CYP7A1: variants seen among roughly 807,000 people sequenced by gnomAD.
The protein encoded by CYP7A1 is cytochrome P450 family 7 subfamily A member 1.
CYP7A1 carries 28 observed loss-of-function variants against 43.8 expected under a neutral mutation model. That is an observed-to-expected ratio of 0.64 (90% CI 0.47 to 0.88). The LOEUF is 0.88. CYP7A1 is among the 40% of genes least tolerant of loss of function. The probability of loss-of-function intolerance (pLI) is 0.00; values close to 1 mark genes in which losing one functional copy is unlikely to be tolerated. For missense variants in CYP7A1, 637 were observed against 611.9 expected (o/e 1.04, Z -0.43); for synonymous variants, 227 against 222.5 (o/e 1.02, Z -0.18).
intron 4 of CYP7A1, among the ~76,000 whole-genome samples, chr8:58,493,493 T>C (rs1160228786): frequency 6.6e-6 from 1 of 152,192 alleles, no homozygotes; most frequent in African/African-American, 2.4e-5. Flanking sequence ...CTTTTAGCCG[T>C]ATCCTTTAAC....
chr8:58,498,320 T>C lies in CYP7A1; in HGVS notation c.230A>G (p.His77Arg), dbSNP rs751553125. 1 of 1,614,156 alleles carries C rather than the reference T, an allele frequency of 6.2e-7. No individual in the cohort carries two copies. The highest frequency in any genetic ancestry group is 8.5e-7 in the Non-Finnish European group (1 of 1,180,000). ...FTCKLMGKYVHFITNPLSYHK... is the reference protein window; with the variant it reads ...FTCKLMGKYVRFITNPLSYHK... ...GTATGACAAGGGATTTGTGATGAAA[T>C]GGACATATTTTCCCATTAGTTTGCA... The change falls in exon 2 of 6, where the codon CAT becomes CGT. Residue 77 changes from histidine (H) to arginine (R), a missense_variant. Coordinates refer to ENST00000301645, the MANE Select transcript of CYP7A1 (RefSeq NM_000780.4).
rs1373118800 is a variant in CYP7A1 at position 58,490,747 on chromosome 8, T to C, written c.*728A>G. ...CTTTAGTGTTTTTGGGAAATCAAGA[T>C]AATCATGTTTAAAGCCCTGAATTTT... On this transcript the variant is annotated 3_prime_UTR_variant, in exon 6 of 6. Coordinates refer to ENST00000301645, the MANE Select transcript of CYP7A1 (RefSeq NM_000780.4). 1 of 152,344 alleles carries C rather than the reference T, an allele frequency of 6.6e-6. No homozygotes were observed. The highest frequency in any genetic ancestry group is 1.9e-4 in the East Asian group (1 of 5,190). The allele number at this position is 152,344 out of a possible 1,614,324, so 9.4% of individuals were successfully genotyped here.
intron 3 of CYP7A1, 26 bp downstream of exon 3, chr8:58,496,578 A>G: frequency 6.3e-7 from 1 of 1,578,284 alleles, no homozygotes; most frequent in South Asian, 1.1e-5. Context: ...AAAATAAAAA[A>G]AAGAAATGGA....
chr8:58,491,736 C>T lies in CYP7A1; in HGVS notation c.1254G>A (p.Lys418=), dbSNP rs568116014. The stretch of plus-strand genomic sequence containing the variant: ...CATTACAATAGAAGGTAGTCTTTGT[C>T]TTCCCGTTTTCATCAAGATACCTAT... ...KYDRYLDENG[K]TKTTFYCNGL... The change falls in exon 6 of 6, where the codon AAG becomes AAA. Residue 418 remains lysine, a synonymous_variant. Coordinates refer to ENST00000301645, the MANE Select transcript of CYP7A1 (RefSeq NM_000780.4). The T allele has an allele frequency of 1.2e-6, 2 of 1,613,728 alleles. No homozygotes were observed. The highest frequency in any genetic ancestry group is 1.1e-5 in the South Asian group (1 of 91,052).
Position 58,497,085 on chromosome 8 carries a change from C to T in CYP7A1, c.427G>A (p.Glu143Lys), listed in dbSNP as rs886043760. 29 of 1,601,552 alleles carry T rather than the reference C, an allele frequency of 1.8e-5. No homozygotes were observed. In the Admixed American group the frequency reaches 4.7e-4, roughly 26 times the overall value. ...LQGHALNSLT[E>K]SMMENLQRIM... ...CGTTGGAGGTTTTCCATCATGCTTT[C>T]CGTGAGGGAATTCAAGGCATGGCCC... The change falls in exon 3 of 6, where the codon GAA becomes AAA. Residue 143 changes from glutamate to lysine, a missense_variant. Transcript: ENST00000301645.
rs762661210 is a variant in CYP7A1, at chr8:58,498,315, T to C, written c.235A>G (p.Ile79Val). ...TTATGGTATGACAAGGGATTTGTGA[T>C]GAAATGGACATATTTTCCCATTAGT... ...CKLMGKYVHF[I>V]TNPLSYHKVL... is the part of the protein sequence containing the mutation. Residue 79 changes from isoleucine to valine, a missense_variant, in exon 2 of 6, where the codon ATC becomes GTC. Transcript: ENST00000301645. 7 of 1,614,194 alleles carry C rather than the reference T, an allele frequency of 4.3e-6. No individual in the cohort carries two copies. In the South Asian group the frequency reaches 7.7e-5, roughly 18 times the overall value.
Position 58,490,801 on chromosome 8 carries a change from C to T in CYP7A1, c.*674G>A, listed in dbSNP as rs1809337636. On this transcript the variant is annotated 3_prime_UTR_variant, in exon 6 of 6. Transcript: ENST00000301645. The stretch of plus-strand genomic sequence containing the variant: ...TATAGAAGAAGTTGAAAAATATTTC[C>T]TTTTTATTAAAAGACATAACTAATC... The T allele has an allele frequency of 6.6e-6, 1 of 152,124 alleles. No individual in the cohort carries two copies. The highest frequency in any genetic ancestry group is 6.5e-5 in the Admixed American group (1 of 15,280). 9.4% of individuals were successfully genotyped at this position (152,124 alleles called of 1,614,324 possible). A position where few individuals can be genotyped will look rare whatever the true frequency, so the allele number is the denominator to read the frequency against.
In CYP7A1 at chr8:58,496,872, T is replaced by C. The variant is rs925723960; in HGVS notation, c.640A>G (p.Lys214Glu). The change falls in exon 3 of 6, where the codon AAA becomes GAA. Residue 214 changes from lysine to glutamate, a missense_variant. Coordinates refer to ENST00000301645, the MANE Select transcript of CYP7A1 (RefSeq NM_000780.4). Reference protein sequence around the residue: ...NNLDNFKQFDKVFPALVAGLP... With the variant: ...NNLDNFKQFDEVFPALVAGLP... ...CCTGCTACCAGGGCTGGAAAGACTT[T>C]GTCGAATTGCTTGAAGTTGTCAAGA... 3 of 1,614,104 alleles carry C rather than the reference T, an allele frequency of 1.9e-6. No homozygotes were observed. The African/African-American group carries it at 4.0e-5, about 22-fold the overall frequency.
At chr8:58,496,064 T>C (rs1809438168) in intron 3 of CYP7A1, among the ~76,000 whole-genome samples, 1 of 152,218 alleles carries the variant, frequency 6.6e-6, no homozygotes, top group South Asian at 2.1e-4. Context: ...AAGTCTCTTA[T>C]CAATAATAAT....
At chr8:58,495,493 T>A (rs1055005632) in intron 3 of CYP7A1, among the ~76,000 whole-genome samples, 1 of 152,098 alleles carries the variant, frequency 6.6e-6, no homozygotes, top group Admixed American at 6.6e-5. Context: ...CTCCCAAAGT[T>A]CTGGGATTAC....
At chr8:58,497,906 A>G (rs991203224) in intron 2 of CYP7A1, among the ~76,000 whole-genome samples, 10 of 152,216 alleles carry the variant, frequency 6.6e-5, no homozygotes, top group African/African-American at 2.2e-4. Flanking sequence ...CGTCACTTGC[A>G]TTCTTGCATA....
At chr8:58,494,818 A>G (rs528112087) in intron 3 of CYP7A1, among the ~76,000 whole-genome samples, 182 bp from the exon 4 acceptor site, 2 of 152,272 alleles carry the variant, frequency 1.3e-5, no homozygotes, top group Admixed American at 1.3e-4. Context: ...ATGTCCTTGG[A>G]TATTAGTAAG....
chr8:58,499,130 C>A (rs1809492929), intron 1 of CYP7A1, among the ~76,000 whole-genome samples: 1 of 152,188 alleles, frequency 6.6e-6, no homozygotes, highest in South Asian at 2.1e-4. Context: ...TATTTTCCAA[C>A]ATAAACTTCT....
chr8:58,495,913 T>A (rs1372204344), intron 3 of CYP7A1, among the ~76,000 whole-genome samples: 1 of 152,238 alleles, frequency 6.6e-6, no homozygotes, highest in Non-Finnish European at 1.5e-5. Context: ...AAATATCTAA[T>A]TTAATTGGAA....
chr8:58,498,129 C>T, intron 2 of CYP7A1, 100 bp downstream of exon 2: 2 of 1,355,938 alleles, frequency 1.5e-6, no homozygotes, highest in African/African-American at 2.9e-5. Context: ...CTCTTCAACA[C>T]CTTTATCATA....
chr8:58,492,548 A>G lies in CYP7A1; in HGVS notation c.1040-20T>C. 2 of 1,597,802 alleles carry G rather than the reference A, an allele frequency of 1.3e-6. No individual in the cohort carries two copies. The highest frequency in any genetic ancestry group is 2.2e-5 in the South Asian group (2 of 90,394). On this transcript the variant is annotated intron_variant, in intron 4 of 5. Coordinates refer to ENST00000301645, the MANE Select transcript of CYP7A1 (RefSeq NM_000780.4). ...TACTATCTAAACATTTTAAAAGAAA[A>G]AAAGATAAAAAATGAAAGAAGGAAG...
At chr8:58,493,370 A>G (rs900142059) in intron 4 of CYP7A1, among the ~76,000 whole-genome samples, 8 of 152,208 alleles carry the variant, frequency 5.3e-5, no homozygotes, top group Admixed American at 1.3e-4. Flanking sequence ...TTATCCATAT[A>G]CTATCTGATG....
At chr8:58,499,946 A>G in intron 1 of CYP7A1, 73 bp downstream of exon 1, 2 of 1,222,852 alleles carry the variant, frequency 1.6e-6, no homozygotes, top group East Asian at 4.7e-5. Context: ...AACCAAATTT[A>G]CTGTATAAAA....
At chr8:58,499,241 G>T (rs1236012103) in intron 1 of CYP7A1, among the ~76,000 whole-genome samples, 4 of 152,148 alleles carry the variant, frequency 2.6e-5, no homozygotes, top group Admixed American at 6.5e-5. Flanking sequence ...AGGCCTGAAA[G>T]AAACTGCAAA....
Sources: gnomAD v4.1 joint callset for allele counts (sites outside exome capture counted in the v4.1 genomes callset) on GRCh38, gnomAD v4.1.1 for gene constraint, MANE v1.5 for transcripts, NCBI Gene and HGNC (gene_info 2026-07-23, HGNC 2026-07-21) for gene names.